Variants in UPF2 observed in about 807,000 individuals in gnomAD.
The protein encoded by UPF2 is UPF2 regulator of nonsense mediated mRNA decay.
In UPF2, 17 loss-of-function variants were observed where a neutral mutation model predicts 141.4. The observed-to-expected ratio is 0.12, with a 90% CI of 0.08 to 0.18. The LOEUF is 0.18. UPF2 is among the 10% of genes least tolerant of loss of function. The pLI is 1.00. For synonymous variants in UPF2, 540 were observed against 498.0 expected (o/e 1.08, Z -1.12); for missense variants, 1,152 against 1,515.9 (o/e 0.76, Z 3.99).
chr10:11,936,461 T>C lies in UPF2; in HGVS notation c.3546+84A>G. ...GAATGGTTTAAAACTGTCCAACCCT[T>C]ATCCCCTTGTAGGTCAAAGATAAGT... On this transcript the variant is annotated intron_variant, in intron 19 of 21. Coordinates refer to ENST00000357604, the MANE Select transcript of UPF2 (RefSeq NM_015542.4). The surrounding 1 kb of genome is among the most constrained non-coding windows in gnomAD (Gnocchi z 6.6). 7.1e-7 allele frequency: 1 copy of C among 1,400,424 alleles called. No individual in the cohort carries two copies. Among genetic ancestry groups the C allele is most frequent in the Non-Finnish European group, 9.6e-7 (1 of 1,042,900 alleles). 86.7% of individuals were successfully genotyped at this position (1,400,424 alleles called of 1,614,324 possible). A position where few individuals can be genotyped will look rare whatever the true frequency, so the allele number is the denominator to read the frequency against.
chr10:11,995,865 C>T (rs1425257688), intron 8 of UPF2, among the ~76,000 whole-genome samples: 3 of 152,152 alleles, frequency 2.0e-5, no homozygotes, highest in Non-Finnish European at 2.9e-5. Context: ...CCTCTGTCAG[C>T]AATGCTCTCC....
intron 21 of UPF2, chr10:11,928,710 G>GAA (rs60281145): frequency 3.7e-3 from 1,094 of 294,366 alleles, no homozygotes; most frequent in South Asian, 6.6e-3. Context: ...CTCCGCCTCA[G>GAA]AAAAAAAAAA....
rs1433783279 is a variant in UPF2, at chr10:11,941,902, T to C, written c.3378+763A>G. Among the ~76,000 whole-genome samples, 17 of 152,268 alleles carry C rather than the reference T, an allele frequency of 1.1e-4. 1 individual carries two copies. Among genetic ancestry groups the C allele is most frequent in the Admixed American group, 1.1e-3 (17 of 15,278 alleles). ...TTTTTTAGAAAATTCAGTTTATTAA[T>C]GTTATGAATACATTAAACAACTAGC... On this transcript the variant is annotated intron_variant, in intron 18 of 21. Coordinates refer to ENST00000357604, the MANE Select transcript of UPF2 (RefSeq NM_015542.4).
chr10:11,928,702 C>A, intron 21 of UPF2: 1 of 346,546 alleles, frequency 2.9e-6, no homozygotes. Context: ...GAGCCAGACT[C>A]CGCCTCAGAA....
rs1834473052 is a variant in UPF2, at chr10:12,029,250, G to A, written c.640C>T (p.Leu214=). 1.9e-6 allele frequency: 3 copies of A among 1,614,120 alleles called. No individual in the cohort carries two copies. The Admixed American group carries it at 5.0e-5, about 27-fold the overall frequency. ...GCACAGTTCACATCAGAGATTTTTA[G>A]TTTTGCTTCCACGATGGAAGCTACA... is the stretch of plus-strand genomic sequence containing the variant. The part of the protein sequence containing the change: ...EAVASIVEAK[L]KISDVNCAVH... The change falls in exon 3 of 22, where the codon CTA becomes TTA. Residue 214 remains leucine, a synonymous_variant. Coordinates refer to ENST00000357604, the MANE Select transcript of UPF2 (RefSeq NM_015542.4).
intron 18 of UPF2, among the ~76,000 whole-genome samples, chr10:11,937,679 A>G (rs1230782924): frequency 1.3e-5 from 2 of 152,182 alleles, no homozygotes; most frequent in Admixed American, 1.3e-4. Context: ...TGAATGTTCC[A>G]GGAAGGTAGG....
rs1430694777 is a variant in UPF2, at chr10:11,936,371, A to C, written c.3546+174T>G. 6.6e-6 allele frequency among the ~76,000 whole-genome samples: 1 copy of C among 150,902 alleles called. No individual in the cohort carries two copies. Among genetic ancestry groups the C allele is most frequent in the Admixed American group, 6.6e-5 (1 of 15,202 alleles). ...CAAAGTGAGACGCCGTCTCAAAAAA[A>C]ACAAAAACAAAAACAAAAACAAAAA... On this transcript the variant is annotated intron_variant, in intron 19 of 21. Coordinates refer to ENST00000357604, the MANE Select transcript of UPF2 (RefSeq NM_015542.4). This position sits in a 1 kb window ranked among gnomAD's most constrained non-coding sequence, Gnocchi z 6.6.
chr10:12,036,125 T>C (rs1206940893), intron 1 of UPF2, among the ~76,000 whole-genome samples: 2 of 152,248 alleles, frequency 1.3e-5, no homozygotes, highest in Non-Finnish European at 2.9e-5. Flanking sequence ...CTGTGCTATA[T>C]CTGTCAATAC....
chr10:11,943,464 C>G (rs1344702347), intron 16 of UPF2, among the ~76,000 whole-genome samples: 1 of 152,150 alleles, frequency 6.6e-6, no homozygotes, highest in Non-Finnish European at 1.5e-5. Flanking sequence ...TGTTCTCCTC[C>G]TCCTGAAACA....
intron 2 of UPF2, among the ~76,000 whole-genome samples, chr10:12,032,682 G>A (rs921440578): frequency 2.0e-5 from 3 of 150,352 alleles, no homozygotes; most frequent in African/African-American, 4.9e-5. Context: ...AGATCGCAGT[G>A]AGCCAAGACC....
In UPF2 at chr10:11,939,367, T is replaced by C. The variant is rs983689853; in HGVS notation, c.3379-2655A>G. ...ATAAAACAGAACGTCAACTTTATTT[T>C]TGTTTATTGTCTGTTTTCCCTTAAC... On this transcript the variant is annotated intron_variant, in intron 18 of 21. Coordinates refer to ENST00000357604, the MANE Select transcript of UPF2 (RefSeq NM_015542.4). The surrounding 1 kb of genome is among the most constrained non-coding windows in gnomAD (Gnocchi z 4.8). Among the ~76,000 whole-genome samples the C allele has an allele frequency of 2.0e-5, 3 of 152,320 alleles. No individual in the cohort carries two copies. The highest frequency in any genetic ancestry group is 6.5e-5 in the Admixed American group (1 of 15,302).
chr10:11,978,035 C>T (rs1215133901), intron 9 of UPF2, among the ~76,000 whole-genome samples: 1 of 152,208 alleles, frequency 6.6e-6, no homozygotes, highest in Non-Finnish European at 1.5e-5. Context: ...CCTTCCTTCG[C>T]ACTCAAAGCA....
intron 4 of UPF2, among the ~76,000 whole-genome samples, chr10:12,012,327 G>A (rs1028842588): frequency 2.6e-5 from 4 of 152,042 alleles, no homozygotes; most frequent in Non-Finnish European, 5.9e-5. Flanking sequence ...CTCCCAAAGT[G>A]CTGGGATTAG....
intron 3 of UPF2, among the ~76,000 whole-genome samples, chr10:12,015,477 G>C (rs939601647): frequency 6.6e-6 from 1 of 152,282 alleles, no homozygotes; most frequent in East Asian, 1.9e-4. Context: ...CGAGGCAGGC[G>C]GATCACCTGA....
rs576410837 is a variant in UPF2, at chr10:12,021,352, A to G, written c.1146-7168T>C. The stretch of plus-strand genomic sequence containing the variant: ...CAAGACCAGCCTGGCCAACATAATG[A>G]AACCAAGTCTCTACAAAAAAAAAAA... On this transcript the variant is annotated intron_variant, in intron 3 of 21. Transcript: ENST00000357604. 7.6e-5 allele frequency among the ~76,000 whole-genome samples: 11 copies of G among 144,424 alleles called. No homozygotes were observed. The South Asian group carries it at 1.3e-3, about 17-fold the overall frequency. The allele number at this position is 144,424 out of a possible 152,430, so 94.7% of individuals were successfully genotyped here. A position where few individuals can be genotyped will look rare whatever the true frequency, so the allele number is the denominator to read the frequency against.
intron 9 of UPF2, among the ~76,000 whole-genome samples, chr10:11,973,382 A>G (rs1833453012): frequency 6.6e-6 from 1 of 152,128 alleles, no homozygotes; most frequent in African/African-American, 2.4e-5. Context: ...GAAGCTCTTT[A>G]GTTTAATTAG....
chr10:12,022,715 C>A (rs1834340426), intron 3 of UPF2, among the ~76,000 whole-genome samples: 1 of 152,096 alleles, frequency 6.6e-6, no homozygotes, highest in East Asian at 1.9e-4. Flanking sequence ...AATTAAACAA[C>A]CTACCTGTGA....
intron 3 of UPF2, among the ~76,000 whole-genome samples, chr10:12,025,193 T>C (rs1038704912): frequency 7.2e-5 from 11 of 152,130 alleles, no homozygotes; most frequent in African/African-American, 2.4e-4. Flanking sequence ...ATTTTCTACA[T>C]GGTGATTAAG....
rs117699829 is a variant in UPF2 at position 12,026,249 on chromosome 10, G to A, written c.1145+2496C>T. 3.4e-3 allele frequency among the ~76,000 whole-genome samples: 522 copies of A among 152,226 alleles called. 2 individuals are homozygous for A. The highest frequency in any genetic ancestry group is 5.8e-3 in the Non-Finnish European group (392 of 68,030). On this transcript the variant is annotated intron_variant, in intron 3 of 21. Coordinates refer to ENST00000357604, the MANE Select transcript of UPF2 (RefSeq NM_015542.4). ...CACTAGTTTAAGGTGAAGAAGAAGTGGCTTGTCAGCAGTTCATATGAGAAA... is the reference window on the plus strand; with the variant it reads ...CACTAGTTTAAGGTGAAGAAGAAGTAGCTTGTCAGCAGTTCATATGAGAAA...
Sources: allele counts gnomAD v4.1 joint callset (sites outside exome capture counted in the v4.1 genomes callset), GRCh38; gene constraint gnomAD v4.1.1; non-coding constraint Gnocchi (gnomAD v3.1); transcripts MANE v1.5; gene names NCBI Gene and HGNC (gene_info 2026-07-23, HGNC 2026-07-21).